SNAP91: variants seen among roughly 807,000 people sequenced by gnomAD.
The protein encoded by SNAP91 is clathrin coat assembly protein AP180.
Under a neutral mutation model 100.3 loss-of-function variants are expected in SNAP91, and 27 were observed. That is an observed-to-expected ratio of 0.27 (90% CI 0.20 to 0.37). The LOEUF is 0.37. Ranked by LOEUF, SNAP91 falls within the 10% of genes least tolerant of loss-of-function variation. The pLI is 1.00. For missense variants in SNAP91, 986 were observed against 1,123.7 expected (o/e 0.88, Z 1.75); for synonymous variants, 404 against 398.6 (o/e 1.01, Z -0.16).
intron 8 of SNAP91, among the ~76,000 whole-genome samples, chr6:83,628,646 T>C (rs1014325414): frequency 1.3e-5 from 2 of 152,132 alleles, no homozygotes; most frequent in Non-Finnish European, 2.9e-5. Flanking sequence ...TTTTCTTATG[T>C]CTGTTGGCCA....
intron 2 of SNAP91, among the ~76,000 whole-genome samples, chr6:83,682,243 T>A (rs917095263): frequency 6.8e-6 from 1 of 146,094 alleles, no homozygotes; most frequent in African/African-American, 2.5e-5. Flanking sequence ...GGTGGTACAA[T>A]CATGGCTCAC....
At chr6:83,617,859 T>C (rs1366677666) in intron 9 of SNAP91, among the ~76,000 whole-genome samples, 3 of 151,878 alleles carry the variant, frequency 2.0e-5, no homozygotes, top group East Asian at 1.9e-4. Flanking sequence ...ATAGTTGTAA[T>C]ACAAATTAGA....
intron 29 of SNAP91, 82 bp from the exon 30 acceptor site, chr6:83,554,367 T>C: frequency 5.4e-6 from 1 of 185,394 alleles, no homozygotes; most frequent in Non-Finnish European, 1.2e-5. Flanking sequence ...GCAATTTTAC[T>C]TCATAGTTTC....
At chr6:83,590,510 T>A (rs1382530401) in intron 22 of SNAP91, among the ~76,000 whole-genome samples, 2 of 151,406 alleles carry the variant, frequency 1.3e-5, no homozygotes, top group African/African-American at 2.4e-5. Context: ...TGAGCTGAGA[T>A]CACCCCATGA....
chr6:83,621,711 C>T (rs117043336), intron 9 of SNAP91, among the ~76,000 whole-genome samples: 3,788 of 152,098 alleles, frequency 0.025, 82 homozygotes, highest in Middle Eastern at 0.061. Context: ...TTGAATATTT[C>T]CTTGTTTCCT....
At position 83,592,499 on chromosome 6, in the gene SNAP91, G is replaced by A. The variant is rs771532118; in HGVS notation, c.1886C>T (p.Ser629Leu). Reference protein sequence around the residue: ...FAAPSPATTASPAKVDSSGVI... With the variant: ...FAAPSPATTALPAKVDSSGVI... ...ACCTGAAGAATCCACCTTTGCTGGC[G>A]AGGCAGTGGTTGCAGGAGATGGTGC... Residue 629 changes from serine to leucine, a missense_variant, in exon 21 of 30, where the codon TCG becomes TTG. Physicochemically the swap from Ser to Leu is moderately radical, Grantham distance 145. Coordinates refer to ENST00000369694, the MANE Select transcript of SNAP91 (RefSeq NM_001242792.2). 10 of 1,611,600 alleles carry A rather than the reference G, an allele frequency of 6.2e-6. No homozygotes were observed. The highest frequency in any genetic ancestry group is 3.3e-5 in the South Asian group (3 of 90,234).
chr6:83,700,678 T>C (rs2099281381), intron 2 of SNAP91, among the ~76,000 whole-genome samples: 1 of 152,036 alleles, frequency 6.6e-6, no homozygotes, highest in Admixed American at 6.6e-5. Flanking sequence ...TGGAGTACAA[T>C]GGCATGATCA....
chr6:83,661,320 CA>C (rs999191737), intron 5 of SNAP91, among the ~76,000 whole-genome samples, 181 bp downstream of exon 5: 6 of 152,052 alleles, frequency 3.9e-5, no homozygotes, highest in African/African-American at 1.4e-4. Flanking sequence ...AAGATATAAA[CA>C]AAATAATGCA....
chr6:83,683,131 C>T (rs879525673), intron 2 of SNAP91, among the ~76,000 whole-genome samples: 2 of 152,080 alleles, frequency 1.3e-5, no homozygotes, highest in Non-Finnish European at 2.9e-5. Flanking sequence ...TTTGGGAAAA[C>T]CACCCTTTTC....
At chr6:83,610,604 G>A in intron 12 of SNAP91, 46 bp downstream of exon 12, 1 of 575,334 alleles carries the variant, frequency 1.7e-6, no homozygotes, top group South Asian at 2.4e-5. Context: ...TGGTAAAATG[G>A]TAAAAAACAA....
At chr6:83,572,565 CT>C (rs1445318726) in intron 26 of SNAP91, among the ~76,000 whole-genome samples, 1 of 151,800 alleles carries the variant, frequency 6.6e-6, no homozygotes, top group Non-Finnish European at 1.5e-5. Context: ...TTTTTTTTTC[CT>C]TTTTTTAACC....
intron 11 of SNAP91, among the ~76,000 whole-genome samples, chr6:83,611,167 G>A (rs952346096): frequency 6.6e-6 from 1 of 151,972 alleles, no homozygotes; most frequent in African/African-American, 2.4e-5. Flanking sequence ...GCTGAAATAT[G>A]TCTCGGCTTC....
At chr6:83,602,792 G>A (rs575523585) in intron 14 of SNAP91, among the ~76,000 whole-genome samples, 51 of 152,156 alleles carry the variant, frequency 3.4e-4, no homozygotes, top group African/African-American at 1.2e-3. Flanking sequence ...ATCAAAAGGT[G>A]AACATCAGGC....
chr6:83,620,251 G>A (rs116842528), intron 9 of SNAP91, among the ~76,000 whole-genome samples: 4,146 of 152,214 alleles, frequency 0.027, 69 homozygotes, highest in Middle Eastern at 0.061. Flanking sequence ...CCTACTCCCA[G>A]TAGGAAGCCC....
chr6:83,575,595 T>C (rs1400338558), intron 25 of SNAP91: 5 of 207,774 alleles, frequency 2.4e-5, no homozygotes, highest in Non-Finnish European at 3.7e-5. Flanking sequence ...GAAAGATATG[T>C]CTCAATTTCA....
intron 11 of SNAP91, among the ~76,000 whole-genome samples, chr6:83,613,980 G>C (rs2128332302): frequency 6.6e-6 from 1 of 152,216 alleles, no homozygotes; most frequent in Non-Finnish European, 1.5e-5. Context: ...TCTAAATTCT[G>C]TAAAATTACT....
At position 83,582,347 on chromosome 6, in the gene SNAP91, C is replaced by A; in HGVS notation, c.2024G>T (p.Gly675Val). The change falls in exon 23 of 30, where the codon GGT (glycine) becomes GTT (valine). Residue 675 changes from glycine (G) to valine (V), a missense_variant. Gly to Val is a moderately radical substitution (Grantham distance 109). This residue lies in a region of SNAP91 where 575 missense variants were observed against 579.9 expected (regional missense o/e 0.99). Coordinates refer to ENST00000369694, the MANE Select transcript of SNAP91 (RefSeq NM_001242792.2). ...AGATGGGGAAGGCGCCATGAAAGAACCCCCAAATCCTGAAAAAAAGTTCCA... is the reference window on the plus strand; with the variant it reads ...AGATGGGGAAGGCGCCATGAAAGAAACCCCAAATCCTGAAAAAAAGTTCCA... ...ASADLLAGFG[G>V]SFMAPSPSPV... 3 of 1,611,224 alleles carry A rather than the reference C, an allele frequency of 1.9e-6. No homozygotes were observed. Among genetic ancestry groups the A allele is most frequent in the Non-Finnish European group, 2.5e-6 (3 of 1,178,652 alleles).
At chr6:83,615,128 T>C (rs970301401) in intron 10 of SNAP91, among the ~76,000 whole-genome samples, 1 of 152,194 alleles carries the variant, frequency 6.6e-6, no homozygotes, top group African/African-American at 2.4e-5. Context: ...TATTTTTTTT[T>C]CCAAAAATAG....
rs181090120 is a variant in SNAP91, at chr6:83,584,742, A to G, written c.2015-2386T>C. 3.3e-5 allele frequency among the ~76,000 whole-genome samples: 5 copies of G among 152,318 alleles called. No homozygotes were observed. The East Asian group carries it at 9.7e-4, about 29-fold the overall frequency. On this transcript the variant is annotated intron_variant, in intron 22 of 29. Transcript: ENST00000369694. ...TATAACAACCCCATGAGGTTCAAAG[A>G]TGAGAAAGCTGAGGTCAGAGATGTT...
Sources: allele counts gnomAD v4.1 joint callset (sites outside exome capture counted in the v4.1 genomes callset), GRCh38; gene constraint gnomAD v4.1.1; regional missense constraint gnomAD v4.1.1; transcripts MANE v1.5; gene names NCBI Gene and HGNC (gene_info 2026-07-23, HGNC 2026-07-21).